The following WDR45 variants were observed in gnomAD, a reference collection of about 807,000 sequenced individuals.
The protein encoded by WDR45 is WD repeat domain 45.
A neutral mutation model predicts 27.3 loss-of-function variants in WDR45; 2 were observed. The observed-to-expected ratio is 0.07, with a 90% CI of 0.03 to 0.23. WDR45 has a LOEUF of 0.23. Ranked by LOEUF, WDR45 falls within the 10% of genes least tolerant of loss-of-function variation. WDR45 has a pLI of 1.00. For synonymous variants in WDR45, 99 were observed against 119.2 expected (o/e 0.83, Z 1.11); for missense variants, 175 against 311.9 (o/e 0.56, Z 3.31).
intron 4 of WDR45, chrX:49,077,164 T>C (rs2065042792): frequency 5.2e-6 from 1 of 192,456 alleles, no homozygotes; most frequent in Admixed American, 6.9e-5. Context: ...CTTGTCCAGA[T>C]GGGATCATCA....
At position 49,077,736 on chromosome X, in the gene WDR45, C is replaced by A. The variant is rs782518681; in HGVS notation, c.142G>T (p.Val48Leu). The A allele has an allele frequency of 2.2e-5, 27 of 1,200,187 alleles. No homozygotes were observed. Among genetic ancestry groups the A allele is most frequent in the Non-Finnish European group, 2.7e-5 (24 of 889,457 alleles). ...ATCTCCACCAAGCCCATGCTGCCCA[C>A]CTGCTCGTGGTCTGGACAGGGACCA... ...MEKGHLDHEQVGSMGLVEMLH... is the reference protein window; with the variant it reads ...MEKGHLDHEQLGSMGLVEMLH... The change falls in exon 4 of 11, where the codon GTG becomes TTG. Residue 48 changes from valine (V) to leucine (L), a missense_variant. Transcript: ENST00000376372.
chrX:49,100,605 G>C (rs1557087983), intron 1 of WDR45: 1 of 113,962 alleles, frequency 8.8e-6, no homozygotes, highest in Admixed American at 9.5e-5. Flanking sequence ...TAAATAAGAC[G>C]TGTCAACGCA....
intron 2 of WDR45, among the ~76,000 whole-genome samples, chrX:49,085,484 A>T (rs1364130166): frequency 8.9e-6 from 1 of 112,444 alleles, no homozygotes; most frequent in African/African-American, 3.2e-5. Flanking sequence ...AAAGATCCTT[A>T]GGAATAACAA....
At chrX:49,098,962 G>A (rs1557087735) in intron 2 of WDR45, among the ~76,000 whole-genome samples, 1 of 111,906 alleles carries the variant, frequency 8.9e-6, no homozygotes, top group Admixed American at 9.6e-5. Context: ...TATATGAAAC[G>A]GAAGTATATA....
chrX:49,085,721 T>G lies in WDR45; in HGVS notation c.-17-7609A>C, dbSNP rs1447673286. On this transcript the variant is annotated intron_variant, in intron 2 of 11. Transcript: ENST00000356463. Reference sequence around the variant, plus strand: ...TGAAACCCTGTCTCTACAAATAATTTTAAAAGTTAGCTGGGAGTGATGGCG... The same window carrying G: ...TGAAACCCTGTCTCTACAAATAATTGTAAAAGTTAGCTGGGAGTGATGGCG... Among the ~76,000 whole-genome samples the G allele has an allele frequency of 2.7e-5, 3 of 111,140 alleles. No homozygotes were observed. In the Admixed American group the frequency reaches 2.9e-4, roughly 11 times the overall value.
In WDR45 at chrX:49,075,121, G is replaced by A; in HGVS notation, c.973+15C>T. The A allele has an allele frequency of 8.3e-7, 1 of 1,209,052 alleles. No homozygotes were observed. The highest frequency in any genetic ancestry group is 1.1e-6 in the Non-Finnish European group (1 of 893,672). On this transcript the variant is annotated intron_variant, in intron 10 of 10. Coordinates refer to ENST00000376372, the MANE Select transcript of WDR45 (RefSeq NM_001029896.2). ...CCCATGCAGTACCCCCAACCAAGGG[G>A]CTGTTCCCACTCACCAATGACAGAG...
At chrX:49,084,690 AATGGCAAG>A (rs1300912515), upstream of WDR45, among the ~76,000 whole-genome samples, 1 of 108,209 alleles carries the variant, frequency 9.2e-6, no homozygotes, top group African/African-American at 3.4e-5. Flanking sequence ...ACAATCTCAC[AATGGCAAG>A]ATCTCTGCTC....
upstream of WDR45, among the ~76,000 whole-genome samples, chrX:49,081,624 G>A (rs1328097634): frequency 1.9e-5 from 2 of 107,451 alleles, no homozygotes; most frequent in East Asian, 5.9e-4. Flanking sequence ...CCTAGGAGGC[G>A]GAGGTTGCAG....
chrX:49,077,181 A>C, intron 4 of WDR45: 2 of 183,140 alleles, frequency 1.1e-5, no homozygotes, highest in Admixed American at 7.0e-5. Context: ...ATCAAGAAAA[A>C]CCCTTAAAGT....
intron 2 of WDR45, among the ~76,000 whole-genome samples, chrX:49,097,317 GC>G (rs1299067087): frequency 1.1e-5 from 1 of 94,597 alleles, no homozygotes; most frequent in Non-Finnish European, 2.0e-5. Context: ...CCCACCACTA[GC>G]CCCAGCTAAT....
rs782410910 is a variant in WDR45 at position 49,074,927 on chromosome X, G to A, written c.974-15C>T. 4 of 1,166,611 alleles carry A rather than the reference G, an allele frequency of 3.4e-6. No homozygotes were observed. Among genetic ancestry groups the A allele is most frequent in the Admixed American group, 2.2e-5 (1 of 45,981 alleles). On this transcript the variant is annotated splice_polypyrimidine_tract_variant and intron_variant, in intron 10 of 10. Coordinates refer to ENST00000376372, the MANE Select transcript of WDR45 (RefSeq NM_001029896.2). ...TACGCAGATGGCTGGGGGAGGGGGG[G>A]TGGTAAAAGGTCAGAGGCTGCCACA... is the stretch of plus-strand genomic sequence containing the variant.
chrX:49,096,841 C>A (rs1343684036), intron 2 of WDR45, among the ~76,000 whole-genome samples: 1 of 111,954 alleles, frequency 8.9e-6, no homozygotes, highest in African/African-American at 3.2e-5. Flanking sequence ...ACAACCTCCG[C>A]TTCCTGGGTT....
intron 2 of WDR45, among the ~76,000 whole-genome samples, chrX:49,092,484 G>C: frequency 9.1e-6 from 1 of 110,139 alleles, no homozygotes; most frequent in Non-Finnish European, 1.9e-5. Flanking sequence ...AAAAATAGTA[G>C]CAGTTTAGAA....
chrX:49,095,002 G>A (rs1289012692), intron 2 of WDR45, among the ~76,000 whole-genome samples: 1 of 109,008 alleles, frequency 9.2e-6, no homozygotes, highest in Non-Finnish European at 1.9e-5. Flanking sequence ...TGGTCAGGCT[G>A]GTCTCAAACT....
At chrX:49,094,237 G>A (rs1412617819) in intron 2 of WDR45, among the ~76,000 whole-genome samples, 4 of 111,343 alleles carry the variant, frequency 3.6e-5, no homozygotes, top group East Asian at 2.8e-4. Flanking sequence ...GGGAGGCCAA[G>A]GCAGGCAGAT....
chrX:49,078,015 A>G (rs1462916330), intron 2 of WDR45, 26 bp downstream of exon 2: 5 of 1,210,542 alleles, frequency 4.1e-6, no homozygotes, highest in Non-Finnish European at 4.5e-6. Context: ...TCCTCCCACA[A>G]GGGTACAGGC....
intron 2 of WDR45, among the ~76,000 whole-genome samples, chrX:49,092,655 C>T (rs2065111535): frequency 9.0e-6 from 1 of 111,685 alleles, no homozygotes; most frequent in Non-Finnish European, 1.9e-5. Context: ...CAGGTGTTTG[C>T]TTTTTATCAC....
chrX:49,097,857 C>T (rs1264417383), intron 2 of WDR45, among the ~76,000 whole-genome samples: 1 of 102,313 alleles, frequency 9.8e-6, no homozygotes, highest in Non-Finnish European at 2.0e-5. Flanking sequence ...GGGGTTTCAC[C>T]ATGTTGGTCA....
upstream of WDR45, among the ~76,000 whole-genome samples, chrX:49,083,539 C>T (rs993892497): frequency 4.5e-5 from 5 of 110,219 alleles, no homozygotes; most frequent in African/African-American, 6.6e-5. Context: ...CTGTAATGAC[C>T]TGTTTGACAT....
Sources: allele counts gnomAD v4.1 joint callset (sites outside exome capture counted in the v4.1 genomes callset), GRCh38; gene constraint gnomAD v4.1.1; transcripts MANE v1.5; gene names NCBI Gene and HGNC (gene_info 2026-07-23, HGNC 2026-07-21).